Variants in TTC34 observed in about 807,000 individuals in gnomAD.
TTC34 encodes tetratricopeptide repeat protein 34.
In TTC34, 44 loss-of-function variants were observed where a neutral mutation model predicts 40.7. That is an observed-to-expected ratio of 1.08 (90% confidence interval 0.85 to 1.39). TTC34 has a LOEUF of 1.39. Among genes scored for constraint, TTC34 ranks in the 40% most tolerant of loss-of-function variants. The probability of loss-of-function intolerance (pLI) is 0.00; values close to 1 mark genes in which losing one functional copy is unlikely to be tolerated. For synonymous variants in TTC34, 422 were observed against 398.6 expected (o/e 1.06, Z -0.70); for missense variants, 884 against 838.0 (o/e 1.05, Z -0.68).
At chr1:2,686,456 T>G (rs1175956327) in intron 6 of TTC34, among the ~76,000 whole-genome samples, 3 of 142,312 alleles carry the variant, frequency 2.1e-5, no homozygotes, top group African/African-American at 2.8e-5. Flanking sequence ...GGTGAGCATC[T>G]GACAGACTGG....
At chr1:2,693,695 G>C (rs138987671) in intron 6 of TTC34, among the ~76,000 whole-genome samples, 52 of 31,240 alleles carry the variant, frequency 1.7e-3, no homozygotes, top group East Asian at 2.5e-3. Flanking sequence ...CAGCGTGGAG[G>C]AGCACCCACA....
intron 6 of TTC34, among the ~76,000 whole-genome samples, chr1:2,759,457 AGCC>A (rs1641618908): frequency 1.9e-5 from 2 of 106,738 alleles, no homozygotes; most frequent in Non-Finnish European, 3.7e-5. Flanking sequence ...AGCATCTGAC[AGCC>A]TGGAGCAGCA....
exon 4 of TTC34, chr1:2,787,601 G>A (rs1643607588): frequency 3.2e-6 from 5 of 1,549,494 alleles, no homozygotes; most frequent in Non-Finnish European, 4.4e-6. Context: ...TCTCCTCCAG[G>A]CGGCCCAGGC....
At chr1:2,647,081 CTCTTTA>C (rs980056269) in intron 6 of TTC34, among the ~76,000 whole-genome samples, 1 of 152,126 alleles carries the variant, frequency 6.6e-6, no homozygotes, top group Non-Finnish European at 1.5e-5. Flanking sequence ...TTAAGATGTT[CTCTTTA>C]TCTTTTTTTT....
intron 6 of TTC34, among the ~76,000 whole-genome samples, chr1:2,780,141 G>A (rs1643458499): frequency 6.6e-6 from 1 of 152,098 alleles, no homozygotes; most frequent in Non-Finnish European, 1.5e-5. Context: ...TTTTGGCTTT[G>A]TTGTTGTTGA....
Position 2,698,821 on chromosome 1 carries a change from A to G in TTC34, c.2227-53258T>C, listed in dbSNP as rs546789016. Among the ~76,000 whole-genome samples the G allele has an allele frequency of 8.2e-5, 12 of 147,188 alleles. No individual in the cohort carries two copies. The East Asian group carries it at 1.4e-3, about 18-fold the overall frequency. ...CAGCACCCCACACCCACAGGTGAGC[A>G]TCTCACAGCCTGCAACAGTACCCAC... On this transcript the variant is annotated intron_variant, in intron 6 of 8. Coordinates refer to ENST00000401095, the Ensembl canonical transcript of TTC34.
intron 5 of TTC34, among the ~76,000 whole-genome samples, chr1:2,784,438 G>A (rs987038046): frequency 2.6e-5 from 4 of 152,182 alleles, no homozygotes; most frequent in Non-Finnish European, 4.4e-5. Context: ...CTGGATGACT[G>A]TGGGCAGGCC....
intron 2 of TTC34, 146 bp from the exon 3 acceptor site, chr1:2,790,492 G>A (rs994681865): frequency 3.5e-5 from 14 of 397,386 alleles, no homozygotes; most frequent in African/African-American, 2.7e-4. Context: ...TCTCCAGGTG[G>A]CCCTGGGTAT....
Position 2,641,561 on chromosome 1 carries a change from C to CA in TTC34, c.3046dup (p.Cys1016LeufsTer80). 6.5e-7 allele frequency: 1 copy of CA among 1,533,436 alleles called. No homozygotes were observed. The highest frequency in any genetic ancestry group is 8.7e-7 in the Non-Finnish European group (1 of 1,145,534). 95.0% of individuals were successfully genotyped at this position (1,533,436 alleles called of 1,614,324 possible). On this transcript the variant is annotated frameshift_variant, in exon 9 of 9. Transcript: ENST00000401095. LOFTEE classifies it low-confidence loss of function (END_TRUNC). ...AGTGGGGGCCCGGCCTGGCTGCCTG[C>CA]ACAGGCTGTTCTGGGCCAAGGAGGG...
intron 6 of TTC34, among the ~76,000 whole-genome samples, chr1:2,768,734 AC>A (rs1641887654): frequency 1.0e-5 from 1 of 98,904 alleles, no homozygotes; most frequent in East Asian, 3.1e-4. Context: ...TGGAAAAACA[AC>A]CCCCTTCAGG....
chr1:2,686,372 C>A (rs1640347000), intron 6 of TTC34, among the ~76,000 whole-genome samples: 1 of 147,536 alleles, frequency 6.8e-6, no homozygotes, highest in Admixed American at 6.8e-5. Context: ...CCCAGGTGCG[C>A]ATGTGATGGT....
chr1:2,687,265 G>A (rs1256659305), intron 6 of TTC34, among the ~76,000 whole-genome samples: 1 of 125,714 alleles, frequency 8.0e-6, no homozygotes, highest in Non-Finnish European at 1.6e-5. Context: ...GCATCTGATG[G>A]TCTGGAGCAG....
At chr1:2,681,094 G>C (rs1273819162) in intron 6 of TTC34, among the ~76,000 whole-genome samples, 1 of 79,514 alleles carries the variant, frequency 1.3e-5, no homozygotes, top group East Asian at 2.9e-4. Flanking sequence ...GCCTAGAGCA[G>C]TGCCCACACC....
chr1:2,653,777 C>G (rs6678571), intron 6 of TTC34, among the ~76,000 whole-genome samples: 355 of 82,580 alleles, frequency 4.3e-3, no homozygotes, highest in Admixed American at 8.3e-3. Flanking sequence ...CACCCCCAGG[C>G]GAGCATCTGA....
At chr1:2,643,766 GGCCCCGGAGTGCTAGA>G (rs1228688883) in intron 8 of TTC34, among the ~76,000 whole-genome samples, 1 of 152,204 alleles carries the variant, frequency 6.6e-6, no homozygotes, top group Non-Finnish European at 1.5e-5. Flanking sequence ...TTTCCTAAGT[GGCCCCGGAGTGCTAGA>G]ACCCGCTGGT....
At position 2,761,065 on chromosome 1, in the gene TTC34, C is replaced by G. The variant is rs1378958527; in HGVS notation, c.2226+22544G>C. Among the ~76,000 whole-genome samples, 2 of 71,668 alleles carry G rather than the reference C, an allele frequency of 2.8e-5. 1 individual carries two copies. Among genetic ancestry groups the G allele is most frequent in the Non-Finnish European group, 4.8e-5 (2 of 41,808 alleles). The allele number at this position is 71,668 out of a possible 152,430, so 47.0% of individuals were successfully genotyped here. ...ACAGTCCCAGGTGAGCATCCGAGAGCGTGGAGCAGCATCCTCACCCCAGGT... is the reference window on the plus strand; with the variant it reads ...ACAGTCCCAGGTGAGCATCCGAGAGGGTGGAGCAGCATCCTCACCCCAGGT... On this transcript the variant is annotated intron_variant, in intron 6 of 8. Transcript: ENST00000401095.
At chr1:2,686,690 T>A (rs1274928592) in intron 6 of TTC34, among the ~76,000 whole-genome samples, 12 of 135,494 alleles carry the variant, frequency 8.9e-5, no homozygotes, top group African/African-American at 3.2e-4. Context: ...CACCCCCAGG[T>A]GCGCACGTGA....
At chr1:2,776,283 C>T (rs1420770925) in intron 6 of TTC34, 1 of 118,392 alleles carries the variant, frequency 8.4e-6, no homozygotes, top group Non-Finnish European at 1.6e-5. Context: ...CAGCAGCTCA[C>T]ATCCCCAGGT....
intron 6 of TTC34, among the ~76,000 whole-genome samples, chr1:2,657,329 C>T (rs1206095660): frequency 2.6e-5 from 3 of 115,278 alleles, no homozygotes; most frequent in African/African-American, 8.5e-5. Flanking sequence ...CAGCATGGAG[C>T]AGCACCCATA....
Sources: gnomAD v4.1 joint callset for allele counts (sites outside exome capture counted in the v4.1 genomes callset) on GRCh38, gnomAD v4.1.1 for gene constraint, MANE v1.5 for transcripts, NCBI Gene and HGNC (gene_info 2026-07-23, HGNC 2026-07-21) for gene names.